Variants in SYT17 observed in about 807,000 individuals in gnomAD.
SYT17 encodes the protein synaptotagmin-17.
SYT17 carries 22 observed loss-of-function variants against 46.7 expected under a neutral mutation model. That is an observed-to-expected ratio of 0.47 (90% CI 0.34 to 0.67). The LOEUF (loss-of-function observed/expected upper bound fraction) is 0.67. Ranked by LOEUF, SYT17 falls within the 30% of genes least tolerant of loss-of-function variation. The probability of loss-of-function intolerance (pLI) is 0.01; values close to 1 mark genes in which losing one functional copy is unlikely to be tolerated. For synonymous variants in SYT17, 251 were observed against 248.4 expected, an observed-to-expected ratio of 1.01 and a Z score of -0.10; for missense variants, 519 against 612.8, an observed-to-expected ratio of 0.85 and a Z score of 1.62.
chr16:19,204,520 G>A (rs1045215538), intron 5 of SYT17, among the ~76,000 whole-genome samples: 1 of 152,042 alleles, frequency 6.6e-6, no homozygotes, highest in Admixed American at 6.5e-5. Flanking sequence ...GAGCAGGTGA[G>A]GATGGGGCAG....
chr16:19,206,885 C>T (rs1036948606), intron 5 of SYT17, among the ~76,000 whole-genome samples: 2 of 152,174 alleles, frequency 1.3e-5, no homozygotes, highest in Non-Finnish European at 2.9e-5. Context: ...TGTGGACCCC[C>T]ATTGCTATAG....
At chr16:19,184,396 GT>G (rs373284896) in intron 5 of SYT17, among the ~76,000 whole-genome samples, 23,502 of 142,784 alleles carry the variant, frequency 0.16, 1,849 homozygotes, top group Middle Eastern at 0.22. Flanking sequence ...GATTTCAGTA[GT>G]TTTTTTTTTT....
In SYT17 at chr16:19,168,569, T is replaced by TC; in HGVS notation, c.-73dup. ...TTCTTCCTTTCCCCCTTTGCTTTCT[T>TC]CCCCCTCCGCTGTTGGCGAGGGCAA... On this transcript the variant is annotated 5_prime_UTR_variant, in exon 1 of 8. Transcript: ENST00000355377. This position sits in a 1 kb window ranked among gnomAD's most constrained non-coding sequence, Gnocchi z 6.9. 6.5e-7 allele frequency: 1 copy of TC among 1,537,622 alleles called. No individual in the cohort carries two copies. The highest frequency in any genetic ancestry group is 8.8e-7 in the Non-Finnish European group (1 of 1,138,906).
chr16:19,172,767 C>A lies in SYT17; in HGVS notation c.23C>A (p.Pro8Gln). The A allele has an allele frequency of 6.2e-7, 1 of 1,613,972 alleles. No individual in the cohort carries two copies. The highest frequency in any genetic ancestry group is 1.3e-5 in the African/African-American group (1 of 74,976). Residue 8 changes from proline to glutamine, a missense_variant, in exon 2 of 8, where the codon CCA (proline) becomes CAA (glutamine). By Grantham distance (76) the Pro-to-Gln change is moderately conservative. Transcript: ENST00000355377. MAYIQLE[P>Q]LNEGFLSRIS... ...TGGATCTTAAAAGGGCAGTTGGAAC[C>A]ATTAAACGAGGTGGGTTCATTTGAT...
At chr16:19,259,936 T>G (rs1366969698) in intron 7 of SYT17, among the ~76,000 whole-genome samples, 1 of 152,000 alleles carries the variant, frequency 6.6e-6, no homozygotes, top group Non-Finnish European at 1.5e-5. Context: ...ACATAAGACA[T>G]CAATCCATAC....
Position 19,173,020 on chromosome 16 carries a change from A to C in SYT17, c.33+243A>C. ...CCGTTTGATTATCTCTGTCTGTTTC[A>C]TGTCACCGAGATTTTTTAAAAATAT... On this transcript the variant is annotated intron_variant, in intron 2 of 7. Transcript: ENST00000355377. 3 of 584,772 alleles carry C rather than the reference A, an allele frequency of 5.1e-6. No homozygotes were observed. In the East Asian group the frequency reaches 8.5e-5, roughly 17 times the overall value. 36.2% of individuals were successfully genotyped at this position (584,772 alleles called of 1,614,324 possible). A position where few individuals can be genotyped will look rare whatever the true frequency, so the allele number is the denominator to read the frequency against.
At chr16:19,219,569 C>T (rs1200719872) in intron 5 of SYT17, among the ~76,000 whole-genome samples, 2 of 152,134 alleles carry the variant, frequency 1.3e-5, no homozygotes, top group Admixed American at 6.5e-5. Flanking sequence ...TGCATTGAGG[C>T]GGAACTTACT....
chr16:19,187,213 A>G (rs553620665), intron 5 of SYT17, among the ~76,000 whole-genome samples: 2 of 152,096 alleles, frequency 1.3e-5, no homozygotes, highest in Admixed American at 6.6e-5. Flanking sequence ...TTTTAAAAAA[A>G]TACATTTTGC....
intron 7 of SYT17, among the ~76,000 whole-genome samples, chr16:19,231,010 T>C (rs1463510345): frequency 6.6e-6 from 1 of 152,184 alleles, no homozygotes; most frequent in African/African-American, 2.4e-5. Flanking sequence ...ATAAATAATA[T>C]AGTTTATCTA....
intron 3 of SYT17, among the ~76,000 whole-genome samples, chr16:19,176,047 C>T (rs1200342626): frequency 6.6e-6 from 1 of 152,146 alleles, no homozygotes; most frequent in African/African-American, 2.4e-5. Context: ...CCATATATGA[C>T]AGTCCTGCAT....
At chr16:19,265,869 A>C (rs1969321377) in intron 7 of SYT17, among the ~76,000 whole-genome samples, 1 of 152,246 alleles carries the variant, frequency 6.6e-6, no homozygotes, top group South Asian at 2.1e-4. Flanking sequence ...AGAGACATGC[A>C]GCACAACAAG....
intron 5 of SYT17, among the ~76,000 whole-genome samples, chr16:19,192,998 T>A (rs1965087929): frequency 6.6e-6 from 1 of 152,200 alleles, no homozygotes; most frequent in East Asian, 1.9e-4. Context: ...CTGGACCTCG[T>A]TCCGAGAAAC....
intron 5 of SYT17, among the ~76,000 whole-genome samples, chr16:19,217,311 T>C (rs372485485): frequency 1.3e-5 from 2 of 152,194 alleles, no homozygotes; most frequent in East Asian, 3.9e-4. Flanking sequence ...ATAATTGGAA[T>C]GTTCCATATG....
chr16:19,216,981 A>G (rs1033746569), intron 5 of SYT17, among the ~76,000 whole-genome samples: 3 of 152,088 alleles, frequency 2.0e-5, no homozygotes, highest in African/African-American at 7.2e-5. Context: ...GGTTGAACTA[A>G]TTTACACTCC....
chr16:19,177,860 A>G (rs1347969755), intron 3 of SYT17, among the ~76,000 whole-genome samples: 1 of 152,250 alleles, frequency 6.6e-6, no homozygotes, highest in Non-Finnish European at 1.5e-5. Flanking sequence ...TCGAACAAGC[A>G]CATATTGAAT....
chr16:19,205,492 T>G, intron 5 of SYT17, among the ~76,000 whole-genome samples: 1 of 151,206 alleles, frequency 6.6e-6, no homozygotes, highest in South Asian at 2.1e-4. Context: ...CAGGCTGGAG[T>G]ACAGTGGCGT....
chr16:19,243,482 C>A lies in SYT17; in HGVS notation c.1228+18644C>A, dbSNP rs537710056. 3.3e-5 allele frequency among the ~76,000 whole-genome samples: 5 copies of A among 152,182 alleles called. No individual in the cohort carries two copies. In the South Asian group the frequency reaches 1.0e-3, roughly 32 times the overall value. On this transcript the variant is annotated intron_variant, in intron 7 of 7. Coordinates refer to ENST00000355377, the MANE Select transcript of SYT17 (RefSeq NM_016524.4). The stretch of plus-strand genomic sequence containing the variant: ...AAGGTCACCCTTGCCTTCTTGGTGA[C>A]CTCTCTGCTAAGGAGAAGCCAGGAC...
chr16:19,260,652 C>T (rs1294542967), intron 7 of SYT17, among the ~76,000 whole-genome samples: 1 of 152,118 alleles, frequency 6.6e-6, no homozygotes, highest in African/African-American at 2.4e-5. Context: ...CTTTGGAATG[C>T]CCTTGACCAA....
At chr16:19,229,210 C>A (rs866087558) in intron 7 of SYT17, among the ~76,000 whole-genome samples, 6 of 152,128 alleles carry the variant, frequency 3.9e-5, no homozygotes, top group Non-Finnish European at 8.8e-5. Flanking sequence ...CGTATTAGTC[C>A]GTTCTCGCAT....
Sources: allele counts gnomAD v4.1 joint callset (sites outside exome capture counted in the v4.1 genomes callset), GRCh38; gene constraint gnomAD v4.1.1; non-coding constraint Gnocchi (gnomAD v3.1); transcripts MANE v1.5; gene names NCBI Gene and HGNC (gene_info 2026-07-23, HGNC 2026-07-21).